TMEM88: variants seen among roughly 807,000 people sequenced by gnomAD.
The protein encoded by TMEM88 is transmembrane protein 88.
Under a neutral mutation model 10.0 loss-of-function variants are expected in TMEM88, and 8 were observed. The observed-to-expected ratio is 0.80, with a 90% CI of 0.47 to 1.44. The LOEUF (loss-of-function observed/expected upper bound fraction) is 1.44, where lower values mean the gene tolerates loss of function less well. Among genes scored for constraint, TMEM88 ranks in the 40% most tolerant of loss-of-function variants. The pLI is 0.00. For missense variants in TMEM88, 255 were observed against 217.8 expected (o/e 1.17, Z -1.07); for synonymous variants, 139 against 104.9 (o/e 1.33, Z -1.99).
rs2078803531 is a variant in TMEM88 at position 7,855,929 on chromosome 17, C to A, written c.*215C>A. On this transcript the variant is annotated 3_prime_UTR_variant, in exon 2 of 2. Coordinates refer to ENST00000301599, the MANE Select transcript of TMEM88 (RefSeq NM_203411.2). ...TTCCTTTCACGACCCACATCTCAAT[C>A]CTGAACATCTAGGCTGGAACCTGCA... The A allele has an allele frequency of 1.5e-6, 2 of 1,368,208 alleles. No homozygotes were observed. Among genetic ancestry groups the A allele is most frequent in the Non-Finnish European group, 1.9e-6 (2 of 1,064,120 alleles). 84.8% of individuals were successfully genotyped at this position (1,368,208 alleles called of 1,614,324 possible).
At position 7,855,942 on chromosome 17, in the gene TMEM88, G is replaced by A. The variant is rs933825947; in HGVS notation, c.*228G>A. ...CCACATCTCAATCCTGAACATCTAGGCTGGAACCTGCACACCTCCCCCTCA... is the reference window on the plus strand; with the variant it reads ...CCACATCTCAATCCTGAACATCTAGACTGGAACCTGCACACCTCCCCCTCA... On this transcript the variant is annotated 3_prime_UTR_variant, in exon 2 of 2. Coordinates refer to ENST00000301599, the MANE Select transcript of TMEM88 (RefSeq NM_203411.2). The A allele has an allele frequency of 1.1e-5, 15 of 1,343,056 alleles. No homozygotes were observed. In the Admixed American group the frequency reaches 1.4e-4, roughly 13 times the overall value. 83.2% of individuals were successfully genotyped at this position (1,343,056 alleles called of 1,614,324 possible). A position where few individuals can be genotyped will look rare whatever the true frequency, so the allele number is the denominator to read the frequency against.
At chr17:7,855,423 C>G (rs754582188) in intron 1 of TMEM88, 22 bp from the exon 2 acceptor site, 87 of 1,599,496 alleles carry the variant, frequency 5.4e-5, no homozygotes, top group Non-Finnish European at 7.4e-5. Flanking sequence ...TCGGCTTGGG[C>G]CTGACGCCTC....
In TMEM88 at chr17:7,855,671, C is replaced by G; in HGVS notation, c.437C>G (p.Pro146Arg). ...CAGCCGCGGCAAATCCGGGCCTCAC[C>G]AGGGTCCCAGGCCGTTCCCACATCA... Reference protein sequence around the residue: ...APQPRQIRASPGSQAVPTSGK... With the variant: ...APQPRQIRASRGSQAVPTSGK... The change falls in exon 2 of 2, where the codon CCA becomes CGA. Residue 146 changes from proline (P) to arginine (R), a missense_variant. Coordinates refer to ENST00000301599, the MANE Select transcript of TMEM88 (RefSeq NM_203411.2). The G allele has an allele frequency of 6.2e-7, 1 of 1,602,870 alleles. No homozygotes were observed. Among genetic ancestry groups the G allele is most frequent in the Non-Finnish European group, 8.5e-7 (1 of 1,175,606 alleles).
In TMEM88 at chr17:7,855,868, T is replaced by G; in HGVS notation, c.*154T>G. On this transcript the variant is annotated 3_prime_UTR_variant, in exon 2 of 2. Transcript: ENST00000301599. ...GGAGCAGCAGCGTCAGTGGACCCAG[T>G]GCTGAGAAAAGCCCCCACATCCCGG... 1 of 1,405,504 alleles carries G rather than the reference T, an allele frequency of 7.1e-7. No individual in the cohort carries two copies. Among genetic ancestry groups the G allele is most frequent in the Non-Finnish European group, 9.2e-7 (1 of 1,083,210 alleles). The allele number at this position is 1,405,504 out of a possible 1,614,324, so 87.1% of individuals were successfully genotyped here.
At position 7,855,501 on chromosome 17, in the gene TMEM88, G is replaced by A. The variant is rs748872219; in HGVS notation, c.267G>A (p.Thr89=). The change falls in exon 2 of 2, where the codon ACG becomes ACA. Residue 89 remains threonine (T), a synonymous_variant. Coordinates refer to ENST00000301599, the MANE Select transcript of TMEM88 (RefSeq NM_203411.2). ...CGCACCTGCGGGACCCCGGTTTCAC[G>A]GCCCTACTGGTCACCGGATTCCTGC... The part of the protein sequence containing the change: ...CTAHLRDPGF[T]ALLVTGFLLL... 54 of 1,608,422 alleles carry A rather than the reference G, an allele frequency of 3.4e-5. No individual in the cohort carries two copies. The highest frequency in any genetic ancestry group is 3.9e-5 in the Non-Finnish European group (46 of 1,179,928).
intron 1 of TMEM88, 70 bp downstream of exon 1, chr17:7,855,354 T>C: frequency 6.3e-7 from 1 of 1,590,276 alleles, no homozygotes; most frequent in South Asian, 1.1e-5. Flanking sequence ...CGGTGGGGTC[T>C]ATGGGCCACA....
chr17:7,855,283 A>G lies in TMEM88; in HGVS notation c.209A>G (p.Gln70Arg). ...GGCTTCGGCTTCCTCTGCCACTCTC[A>G]GGTGAGCGTGCGCCCCGGGGTGTGC... ...MLGFGFLCHSQFLRSQAPPCT... is the reference protein window; with the variant it reads ...MLGFGFLCHSRFLRSQAPPCT... Residue 70 changes from glutamine to arginine, a missense_variant and splice_region_variant, in exon 1 of 2, where the codon CAG (glutamine) becomes CGG (arginine). By Grantham distance (43) the Gln-to-Arg change is conservative. Transcript: ENST00000301599. 4 of 1,595,494 alleles carry G rather than the reference A, an allele frequency of 2.5e-6. No individual in the cohort carries two copies.
chr17:7,855,579 G>A lies in TMEM88; in HGVS notation c.345G>A (p.Leu115=), dbSNP rs756861887. 1.9e-6 allele frequency: 3 copies of A among 1,608,088 alleles called. No individual in the cohort carries two copies. The highest frequency in any genetic ancestry group is 1.1e-5 in the South Asian group (1 of 91,074). ...LALASYRRLC[L]RLRLADCLVP... ...TGGCCAGCTACCGCCGCCTCTGCCT[G>A]CGCCTCCGCCTAGCCGATTGCCTCG... Residue 115 remains leucine (L), a synonymous_variant, in exon 2 of 2, where the codon CTG becomes CTA. Coordinates refer to ENST00000301599, the MANE Select transcript of TMEM88 (RefSeq NM_203411.2).
Position 7,855,162 on chromosome 17 carries a change from C to G in TMEM88, c.88C>G (p.Leu30Val), listed in dbSNP as rs2078787895. 3.7e-6 allele frequency: 6 copies of G among 1,611,932 alleles called. No individual in the cohort carries two copies. The highest frequency in any genetic ancestry group is 2.7e-5 in the African/African-American group (2 of 75,006). Residue 30 changes from leucine to valine, a missense_variant, in exon 1 of 2, where the codon CTT (leucine) becomes GTT (valine). Physicochemically the swap from Leu to Val is conservative, Grantham distance 32. Transcript: ENST00000301599. ...DPLDCWACAVLVTAQNLLVAA... is the reference protein window; with the variant it reads ...DPLDCWACAVVVTAQNLLVAA... The stretch of plus-strand genomic sequence containing the variant: ...CCTGGACTGTTGGGCCTGCGCTGTT[C>G]TTGTAACAGCCCAGAATCTGCTGGT...
At position 7,855,109 on chromosome 17, in the gene TMEM88, C is replaced by G. The variant is rs865982510; in HGVS notation, c.35C>G (p.Pro12Arg). The G allele has an allele frequency of 3.1e-6, 5 of 1,607,568 alleles. No homozygotes were observed. In the Middle Eastern group the frequency reaches 7.9e-4, roughly 253 times the overall value. The change falls in exon 1 of 2, where the codon CCT (proline) becomes CGT (arginine). Residue 12 changes from proline to arginine, a missense_variant. Pro to Arg is a moderately radical substitution (Grantham distance 103). Transcript: ENST00000301599. ...GTCCCCGGGGCACAGCGAGCGGTTC[C>G]TGGTGACGGCCCAGAGCCCCGGGAC... is the stretch of plus-strand genomic sequence containing the variant. ...ADVPGAQRAV[P>R]GDGPEPRDPL...
chr17:7,855,297 C>A lies in TMEM88; in HGVS notation c.210+13C>A, dbSNP rs1337065989. On this transcript the variant is annotated intron_variant, in intron 1 of 1. Transcript: ENST00000301599. Reference sequence around the variant, plus strand: ...CTGCCACTCTCAGGTGAGCGTGCGCCCCGGGGTGTGCGTGTGAGTGTGAGT... The same window carrying A: ...CTGCCACTCTCAGGTGAGCGTGCGCACCGGGGTGTGCGTGTGAGTGTGAGT... 4 of 1,590,310 alleles carry A rather than the reference C, an allele frequency of 2.5e-6. No homozygotes were observed. The Admixed American group carries it at 5.4e-5, about 21-fold the overall frequency.
At chr17:7,855,414 C>T (rs758637840) in intron 1 of TMEM88, 31 bp from the exon 2 acceptor site, 3 of 1,597,602 alleles carry the variant, frequency 1.9e-6, no homozygotes, top group Non-Finnish European at 2.5e-6. Flanking sequence ...ATCGCCTGGT[C>T]GGCTTGGGCC....
In TMEM88 at chr17:7,855,527, T is replaced by C; in HGVS notation, c.293T>C (p.Leu98Pro). The change falls in exon 2 of 2, where the codon CTC becomes CCC. Residue 98 changes from leucine (L) to proline (P), a missense_variant. Leu to Pro is a moderately conservative substitution (Grantham distance 98, BLOSUM62 -3). Transcript: ENST00000301599. ...GCCCTACTGGTCACCGGATTCCTGCTCCTCGTGCCGCTGCTCGTGCTTGCT... is the reference window on the plus strand; with the variant it reads ...GCCCTACTGGTCACCGGATTCCTGCCCCTCGTGCCGCTGCTCGTGCTTGCT... Reference protein sequence around the residue: ...FTALLVTGFLLLVPLLVLALA... With the variant: ...FTALLVTGFLPLVPLLVLALA... 6.2e-7 allele frequency: 1 copy of C among 1,608,902 alleles called. No individual in the cohort carries two copies. Among genetic ancestry groups the C allele is most frequent in the Non-Finnish European group, 8.5e-7 (1 of 1,179,924 alleles).
At position 7,855,212 on chromosome 17, in the gene TMEM88, G is replaced by A. The variant is rs556697420; in HGVS notation, c.138G>A (p.Leu46=). 1 of 1,608,664 alleles carries A rather than the reference G, an allele frequency of 6.2e-7. No individual in the cohort carries two copies. ...TGGCTGCCTTCAATCTTCTCCTGCT[G>A]GTGCTGGTGCTAGGGACCATCTTGC... is the stretch of plus-strand genomic sequence containing the variant. ...LLVAAFNLLL[L]VLVLGTILLP... Residue 46 remains leucine, a synonymous_variant, in exon 1 of 2, where the codon CTG becomes CTA. Transcript: ENST00000301599.
chr17:7,855,308 CGTGT>C (rs1567808988), intron 1 of TMEM88, 24 bp downstream of exon 1: 7 of 1,582,980 alleles, frequency 4.4e-6, no homozygotes, highest in Non-Finnish European at 4.3e-6. Flanking sequence ...CCGGGGTGTG[CGTGT>C]GAGTGTGAGT....
In TMEM88 at chr17:7,855,977, T is replaced by C; in HGVS notation, c.*263T>C. The C allele has an allele frequency of 7.8e-7, 1 of 1,286,116 alleles. No individual in the cohort carries two copies. The highest frequency in any genetic ancestry group is 9.8e-7 in the Non-Finnish European group (1 of 1,017,290). The allele number at this position is 1,286,116 out of a possible 1,614,324, so 79.7% of individuals were successfully genotyped here. A position where few individuals can be genotyped will look rare whatever the true frequency, so the allele number is the denominator to read the frequency against. On this transcript the variant is annotated 3_prime_UTR_variant, in exon 2 of 2. Coordinates refer to ENST00000301599, the MANE Select transcript of TMEM88 (RefSeq NM_203411.2). The stretch of plus-strand genomic sequence containing the variant: ...GCACACCTCCCCCTCAGCTCCGTCG[T>C]GAATGGGACAACAATCTCGTGCCCT...
rs771583051 is a variant in TMEM88, at chr17:7,855,129, C to T, written c.55C>T (p.Arg19Trp). The change falls in exon 1 of 2, where the codon CGG (arginine) becomes TGG (tryptophan). Residue 19 changes from arginine to tryptophan, a missense_variant. Coordinates refer to ENST00000301599, the MANE Select transcript of TMEM88 (RefSeq NM_203411.2). ...RAVPGDGPEP[R>W]DPLDCWACAV... ...GGTTCCTGGTGACGGCCCAGAGCCC[C>T]GGGACCCCCTGGACTGTTGGGCCTG... 1.2e-6 allele frequency: 2 copies of T among 1,610,328 alleles called. No individual in the cohort carries two copies. The highest frequency in any genetic ancestry group is 2.2e-5 in the South Asian group (2 of 90,802).
At position 7,856,059 on chromosome 17, in the gene TMEM88, G is replaced by C; in HGVS notation, c.*345G>C. On this transcript the variant is annotated 3_prime_UTR_variant, in exon 2 of 2. Transcript: ENST00000301599. ...GGGGCTGGGGGGCGGGGCTGGAGGG[G>C]AAGGAGTGTCCACGCATCAATAAAG... The C allele has an allele frequency of 2.9e-6, 3 of 1,034,632 alleles. No homozygotes were observed. Among genetic ancestry groups the C allele is most frequent in the Non-Finnish European group, 3.8e-6 (3 of 793,864 alleles). 64.1% of individuals were successfully genotyped at this position (1,034,632 alleles called of 1,614,324 possible).
At position 7,855,747 on chromosome 17, in the gene TMEM88, GC is replaced by G; in HGVS notation, c.*36del. ...CGAGTCAAGAACAACCCTGACGGCT[GC>G]CCTCCCTCTTATTCGGCCCAAGGAC... On this transcript the variant is annotated 3_prime_UTR_variant, in exon 2 of 2. Transcript: ENST00000301599. The G allele has an allele frequency of 3.4e-6, 5 of 1,485,270 alleles. No homozygotes were observed. The South Asian group carries it at 6.6e-5, about 20-fold the overall frequency. The allele number at this position is 1,485,270 out of a possible 1,614,324, so 92.0% of individuals were successfully genotyped here.
Sources: allele counts gnomAD v4.1 joint callset, GRCh38; gene constraint gnomAD v4.1.1; transcripts MANE v1.5; gene names NCBI Gene and HGNC (gene_info 2026-07-23, HGNC 2026-07-21).